The following SLC6A8 variants were observed in gnomAD, a reference collection of about 807,000 sequenced individuals.
SLC6A8 encodes the protein sodium- and chloride-dependent creatine transporter 1.
Under a neutral mutation model 48.3 loss-of-function variants are expected in SLC6A8, and 6 were observed. That is an observed-to-expected ratio of 0.12 (90% CI 0.07 to 0.25). The LOEUF (loss-of-function observed/expected upper bound fraction) is 0.25, where lower values mean the gene tolerates loss of function less well. Ranked by LOEUF, SLC6A8 falls within the 10% of genes least tolerant of loss-of-function variation. The pLI, the probability that SLC6A8 is intolerant of heterozygous loss-of-function variation, is 1.00. For missense variants in SLC6A8, 260 were observed against 551.5 expected (o/e 0.47, Z 5.29); for synonymous variants, 245 against 244.0 (o/e 1.00, Z -0.04).
rs2091484377 is a variant in SLC6A8 at position 153,695,348 on chromosome X, C to T, written c.*134C>T. The T allele has an allele frequency of 1.6e-6, 1 of 636,632 alleles. No homozygotes were observed. The highest frequency in any genetic ancestry group is 2.5e-6 in the Non-Finnish European group (1 of 402,187). The allele number at this position is 636,632 out of a possible 1,213,427, so 52.5% of individuals were successfully genotyped here. On this transcript the variant is annotated 3_prime_UTR_variant, in exon 13 of 13. Coordinates refer to ENST00000253122, the MANE Select transcript of SLC6A8 (RefSeq NM_005629.4). ...GCCTGGGGGAGGAGGGGAGAAAGCA[C>T]CATGAGTGCTCACTAAAACAACTTT...
At chrX:153,691,667 C>A in intron 3 of SLC6A8, 114 bp downstream of exon 3, 1 of 960,285 alleles carries the variant, frequency 1.0e-6, no homozygotes, top group Non-Finnish European at 1.5e-6. Context: ...GGCAGTCCAT[C>A]CTGGACCCTG....
At chrX:153,691,098 G>A (rs2091453713) in intron 2 of SLC6A8, 2 of 453,157 alleles carry the variant, frequency 4.4e-6, no homozygotes, top group South Asian at 6.1e-5. Flanking sequence ...GGTCTAGGGG[G>A]CGGCTGGAGG....
chrX:153,692,764 C>T, intron 4 of SLC6A8: 1 of 447,404 alleles, frequency 2.2e-6, no homozygotes, highest in Non-Finnish European at 4.1e-6. Context: ...TGCTCCACGC[C>T]TCCTGTCCCC....
intron 6 of SLC6A8, 24 bp downstream of exon 6, chrX:153,693,390 C>T (rs199671724): frequency 8.2e-5 from 99 of 1,203,068 alleles, no homozygotes; most frequent in East Asian, 7.4e-4. Flanking sequence ...CCCTGCCACC[C>T]GTGCCCTGTC....
rs372567920 is a variant in SLC6A8 at position 153,694,776 on chromosome X, G to A, written c.1654G>A (p.Val552Met). 5.0e-6 allele frequency: 6 copies of A among 1,209,034 alleles called. No homozygotes were observed. Among genetic ancestry groups the A allele is most frequent in the South Asian group, 1.8e-5 (1 of 56,823 alleles). The part of the protein sequence containing the change: ...YEPLVYNNTY[V>M]YPWWGEAMGW... ...GCCGCTGGTCTACAACAACACCTAC[G>A]TGTACCCGTGGTGGGGTGAGGCCAT... is the stretch of plus-strand genomic sequence containing the variant. Residue 552 changes from valine to methionine, a missense_variant, in exon 12 of 13, where the codon GTG becomes ATG. Coordinates refer to ENST00000253122, the MANE Select transcript of SLC6A8 (RefSeq NM_005629.4).
chrX:153,693,407 TGCCCC>T lies in SLC6A8; in HGVS notation c.1016+46_1017-46del. Reference sequence around the variant, plus strand: ...CTGCCACCCGTGCCCTGTCCTGCCCTGCCCCGCCCTGCCCAGCAGCCTAACCCATC... The same window carrying T: ...CTGCCACCCGTGCCCTGTCCTGCCCTGCCCTGCCCAGCAGCCTAACCCATC... On this transcript the variant is annotated intron_variant, in intron 6 of 12. Coordinates refer to ENST00000253122, the MANE Select transcript of SLC6A8 (RefSeq NM_005629.4). 5 of 1,206,438 alleles carry T rather than the reference TGCCCC, an allele frequency of 4.1e-6. No homozygotes were observed. The South Asian group carries it at 7.0e-5, about 17-fold the overall frequency.
At chrX:153,691,673 C>T (rs2091456806) in intron 3 of SLC6A8, 120 bp downstream of exon 3, 2 of 915,187 alleles carry the variant, frequency 2.2e-6, no homozygotes, top group East Asian at 6.2e-5. Context: ...CCATCCTGGA[C>T]CCTGCCTGCC....
chrX:153,695,335 A>G lies in SLC6A8; in HGVS notation c.*121A>G, dbSNP rs2091484341. The G allele has an allele frequency of 6.7e-6, 5 of 743,587 alleles. No individual in the cohort carries two copies. Among genetic ancestry groups the G allele is most frequent in the Non-Finnish European group, 1.0e-5 (5 of 492,426 alleles). 61.3% of individuals were successfully genotyped at this position (743,587 alleles called of 1,213,427 possible). A position where few individuals can be genotyped will look rare whatever the true frequency, so the allele number is the denominator to read the frequency against. On this transcript the variant is annotated 3_prime_UTR_variant, in exon 13 of 13. Transcript: ENST00000253122. ...ACTTTTGGGGTCTGCCTGGGGGAGG[A>G]GGGGAGAAAGCACCATGAGTGCTCA...
rs1221310274 is a variant in SLC6A8 at position 153,691,452 on chromosome X, C to T, written c.543C>T (p.Cys181=). The change falls in exon 3 of 13, where the codon TGC becomes TGT. Residue 181 remains cysteine (C), a synonymous_variant. Transcript: ENST00000253122. Reference sequence around the variant, plus strand: ...GCCACACCTGGAACACTCCCGACTGCGTGGAGATCTTCCGCCATGAAGACT... The same window carrying T: ...GCCACACCTGGAACACTCCCGACTGTGTGGAGATCTTCCGCCATGAAGACT... The part of the protein sequence containing the change: ...TCGHTWNTPD[C]VEIFRHEDCA... 8.3e-7 allele frequency: 1 copy of T among 1,211,817 alleles called. No individual in the cohort carries two copies. The highest frequency in any genetic ancestry group is 3.0e-5 in the East Asian group (1 of 33,855).
In SLC6A8 at chrX:153,688,604, C is replaced by T. The variant is rs1057522627; in HGVS notation, c.30C>T (p.Ile10=). 4 of 1,073,144 alleles carry T rather than the reference C, an allele frequency of 3.7e-6. No individual in the cohort carries two copies. The highest frequency in any genetic ancestry group is 3.6e-6 in the Non-Finnish European group (3 of 823,909). 88.4% of individuals were successfully genotyped at this position (1,073,144 alleles called of 1,213,427 possible). The change falls in exon 1 of 13, where the codon ATC becomes ATT. Residue 10 remains isoleucine (I), a synonymous_variant. Transcript: ENST00000253122. MAKKSAENG[I]YSVSGDEKKG... Reference sequence around the variant, plus strand: ...CGAAGAAGAGCGCCGAGAACGGCATCTATAGCGTGTCCGGCGACGAGAAGA... The same window carrying T: ...CGAAGAAGAGCGCCGAGAACGGCATTTATAGCGTGTCCGGCGACGAGAAGA...
At chrX:153,691,163 C>T in intron 2 of SLC6A8, 141 bp from the exon 3 acceptor site, 5 of 672,974 alleles carry the variant, frequency 7.4e-6, no homozygotes, top group Non-Finnish European at 1.2e-5. Context: ...AAGGGGGAGC[C>T]CAGGGGAGTC....
rs1454845175 is a variant in SLC6A8, at chrX:153,695,844, G to GTATATATAGATCTA, written c.*643_*644insATATATATAGATCT. The GTATATATAGATCTA allele has an allele frequency of 1.5e-5, 2 of 133,411 alleles. No homozygotes were observed. The highest frequency in any genetic ancestry group is 3.2e-5 in the African/African-American group (1 of 31,535). The allele number at this position is 133,411 out of a possible 1,213,427, so 11.0% of individuals were successfully genotyped here. A position where few individuals can be genotyped will look rare whatever the true frequency, so the allele number is the denominator to read the frequency against. ...GTGCACGCGTGCGTGAGTACGGAGAGTATATATAGATCTCTATCTCTTAGC... is the reference window on the plus strand; with the variant it reads ...GTGCACGCGTGCGTGAGTACGGAGAGTATATATAGATCTATATATATAGATCTCTATCTCTTAGC... On this transcript the variant is annotated 3_prime_UTR_variant, in exon 13 of 13. Coordinates refer to ENST00000253122, the MANE Select transcript of SLC6A8 (RefSeq NM_005629.4).
Position 153,695,508 on chromosome X carries a change from C to T in SLC6A8, c.*294C>T. ...CACCCACAGTGCTGCACTCCTCCTG[C>T]CCCTGCCACGCCCACCCCCTGCCCA... On this transcript the variant is annotated 3_prime_UTR_variant, in exon 13 of 13. Coordinates refer to ENST00000253122, the MANE Select transcript of SLC6A8 (RefSeq NM_005629.4). 2.8e-6 allele frequency: 1 copy of T among 351,764 alleles called. No individual in the cohort carries two copies. Among genetic ancestry groups the T allele is most frequent in the East Asian group, 5.2e-5 (1 of 19,094 alleles). 29.0% of individuals were successfully genotyped at this position (351,764 alleles called of 1,213,427 possible).
Sources: gnomAD v4.1 joint callset for allele counts on GRCh38, gnomAD v4.1.1 for gene constraint, MANE v1.5 for transcripts, NCBI Gene and HGNC (gene_info 2026-07-23, HGNC 2026-07-21) for gene names.